The following LUZP2 variants were observed in gnomAD, a reference collection of about 807,000 sequenced individuals.
LUZP2 encodes leucine zipper protein 2.
LUZP2 carries 52 observed loss-of-function variants against 51.6 expected under a neutral mutation model. The observed-to-expected ratio is 1.01, with a 90% CI of 0.81 to 1.27. The LOEUF (loss-of-function observed/expected upper bound fraction) is 1.27. Ranked by LOEUF, LUZP2 falls within the 50% of genes most tolerant of loss-of-function variation. The pLI is 0.00. For missense variants in LUZP2, 436 were observed against 395.4 expected (o/e 1.10, Z -0.87); for synonymous variants, 154 against 137.3 (o/e 1.12, Z -0.85).
chr11:24,797,788 A>G (rs1849585627), intron 5 of LUZP2, among the ~76,000 whole-genome samples: 1 of 152,166 alleles, frequency 6.6e-6, no homozygotes, highest in Non-Finnish European at 1.5e-5. Flanking sequence ...TAGGAGTTCT[A>G]TTTATTGATA....
chr11:24,983,133 A>T lies in LUZP2; in HGVS notation c.605A>T (p.Gln202Leu). The T allele has an allele frequency of 6.2e-7, 1 of 1,610,890 alleles. No homozygotes were observed. The highest frequency in any genetic ancestry group is 8.5e-7 in the Non-Finnish European group (1 of 1,178,286). Residue 202 changes from glutamine (Q) to leucine (L), a missense_variant, in exon 9 of 12, where the codon CAG becomes CTG. Coordinates refer to ENST00000336930, the MANE Select transcript of LUZP2 (RefSeq NM_001009909.4). ...ATGCCTCTTTTTTTGTAGGAGTCAC[A>T]GATGAAAGCAATGAAAGAGACTGTG... Reference protein sequence around the residue: ...LEKAALDRESQMKAMKETVQL... With the variant: ...LEKAALDRESLMKAMKETVQL...
chr11:25,020,564 T>A (rs1590843795), intron 9 of LUZP2, among the ~76,000 whole-genome samples: 1 of 152,210 alleles, frequency 6.6e-6, no homozygotes, highest in Non-Finnish European at 1.5e-5. Flanking sequence ...CTGTTGTCAT[T>A]TTTGCAGAGT....
At chr11:24,966,207 G>T in intron 7 of LUZP2, among the ~76,000 whole-genome samples, 1 of 151,486 alleles carries the variant, frequency 6.6e-6, no homozygotes, top group African/African-American at 2.4e-5. Flanking sequence ...TTTAAAAAAT[G>T]TGGTTGTTTG....
chr11:24,923,818 T>G (rs1854146289), intron 7 of LUZP2, among the ~76,000 whole-genome samples: 1 of 152,102 alleles, frequency 6.6e-6, no homozygotes, highest in African/African-American at 2.4e-5. Flanking sequence ...ATAGCTTATT[T>G]TCACAGGTAA....
At chr11:24,797,362 A>G (rs1181277590) in intron 5 of LUZP2, among the ~76,000 whole-genome samples, 2 of 152,194 alleles carry the variant, frequency 1.3e-5, no homozygotes, top group African/African-American at 4.8e-5. Context: ...TGATGAAGGC[A>G]ATAACCTTTT....
rs546637775 is a variant in LUZP2 at position 24,867,900 on chromosome 11, A to G, written c.397-38091A>G. Among the ~76,000 whole-genome samples, 9 of 152,282 alleles carry G rather than the reference A, an allele frequency of 5.9e-5. No individual in the cohort carries two copies. The South Asian group carries it at 1.2e-3, about 21-fold the overall frequency. Reference sequence around the variant, plus strand: ...CTAATATTACAACTTATCAGTACTGATGTAAACATTTGGTTGAATATCAGT... The same window carrying G: ...CTAATATTACAACTTATCAGTACTGGTGTAAACATTTGGTTGAATATCAGT... On this transcript the variant is annotated intron_variant, in intron 5 of 11. Transcript: ENST00000336930.
intron 1 of LUZP2, among the ~76,000 whole-genome samples, chr11:24,602,259 CAT>C (rs563642354): frequency 5.5e-4 from 41 of 74,102 alleles, no homozygotes; most frequent in Middle Eastern, 8.5e-3. Flanking sequence ...TATATGCAAA[CAT>C]ATATGTACAT....
At chr11:25,048,769 A>C (rs1858397092) in intron 9 of LUZP2, among the ~76,000 whole-genome samples, 1 of 152,026 alleles carries the variant, frequency 6.6e-6, no homozygotes, top group Admixed American at 6.6e-5. Context: ...CACCCAGTGA[A>C]GTTAAATTTC....
intron 1 of LUZP2, among the ~76,000 whole-genome samples, chr11:24,503,048 C>G (rs1328094576): frequency 6.6e-6 from 1 of 151,848 alleles, no homozygotes; most frequent in Non-Finnish European, 1.5e-5. Flanking sequence ...CTACGGAGAA[C>G]AAATTAAGAA....
At chr11:24,973,809 A>G (rs183177505) in intron 7 of LUZP2, among the ~76,000 whole-genome samples, 292 of 152,028 alleles carry the variant, frequency 1.9e-3, no homozygotes, top group Non-Finnish European at 3.6e-3. Flanking sequence ...GTTTGTTATG[A>G]TTTTTAGTTA....
chr11:24,677,556 C>T (rs12577048), intron 1 of LUZP2, among the ~76,000 whole-genome samples: 23,718 of 152,148 alleles, frequency 0.16, 1,922 homozygotes, highest in East Asian at 0.24. Context: ...CTTTAAGATT[C>T]CTTATGTCAC....
At chr11:24,815,114 T>G (rs1336543523) in intron 5 of LUZP2, among the ~76,000 whole-genome samples, 3 of 152,208 alleles carry the variant, frequency 2.0e-5, no homozygotes, top group African/African-American at 7.2e-5. Context: ...GAATCTGTGT[T>G]GTTAAAATGT....
intron 5 of LUZP2, among the ~76,000 whole-genome samples, chr11:24,824,390 A>AAAAAAAAAAAAAAAAAAT (rs1304693659): frequency 6.8e-6 from 1 of 147,580 alleles, no homozygotes; most frequent in African/African-American, 2.5e-5. Flanking sequence ...AAAAAAAAAA[A>AAAAAAAAAAAAAAAAAAT]AAATGAGTGG....
intron 7 of LUZP2, among the ~76,000 whole-genome samples, chr11:24,972,518 CCA>C (rs1855771010): frequency 1.3e-5 from 2 of 152,170 alleles, no homozygotes; most frequent in African/African-American, 4.8e-5. Flanking sequence ...AATGTGAACT[CCA>C]GTGTTCATCT....
chr11:25,007,935 T>C (rs1856878693), intron 9 of LUZP2, among the ~76,000 whole-genome samples: 1 of 152,256 alleles, frequency 6.6e-6, no homozygotes, highest in Non-Finnish European at 1.5e-5. Context: ...TAATAATTGC[T>C]TGTGAACAGA....
rs80140944 is a variant in LUZP2 at position 24,642,257 on chromosome 11, A to G, written c.63-86912A>G. 1.5e-3 allele frequency among the ~76,000 whole-genome samples: 230 copies of G among 151,984 alleles called. 6 individuals are homozygous for G. In the East Asian group the frequency reaches 0.031, roughly 20 times the overall value. ...TCATCTTTAGCAGAGTTACACAACA[A>G]TTAGACTGTTTTGTCACATTCTGCA... is the stretch of plus-strand genomic sequence containing the variant. On this transcript the variant is annotated intron_variant, in intron 1 of 11. Transcript: ENST00000336930.
chr11:24,570,691 A>G (rs1385269850), intron 1 of LUZP2, among the ~76,000 whole-genome samples: 1 of 152,044 alleles, frequency 6.6e-6, no homozygotes, highest in Non-Finnish European at 1.5e-5. Flanking sequence ...CAGCATCCAC[A>G]TATTCTTATG....
intron 7 of LUZP2, among the ~76,000 whole-genome samples, chr11:24,922,702 A>G (rs1488019016): frequency 3.3e-5 from 5 of 152,128 alleles, no homozygotes; most frequent in Non-Finnish European, 5.9e-5. Flanking sequence ...TTTGTGCGTC[A>G]AAATAATTAT....
rs767603172 is a variant in LUZP2, at chr11:24,502,238, G to A, written c.62+4933G>A. Among the ~76,000 whole-genome samples, 4 of 140,434 alleles carry A rather than the reference G, an allele frequency of 2.8e-5. No homozygotes were observed. The South Asian group carries it at 8.4e-4, about 30-fold the overall frequency. The allele number at this position is 140,434 out of a possible 152,430, so 92.1% of individuals were successfully genotyped here. A position where few individuals can be genotyped will look rare whatever the true frequency, so the allele number is the denominator to read the frequency against. Reference sequence around the variant, plus strand: ...CATAGCAGAAAAAAGAAAAAATATAGATACAAATCAATTAGGTGACATGAA... The same window carrying A: ...CATAGCAGAAAAAAGAAAAAATATAAATACAAATCAATTAGGTGACATGAA... On this transcript the variant is annotated intron_variant, in intron 1 of 11. Coordinates refer to ENST00000336930, the MANE Select transcript of LUZP2 (RefSeq NM_001009909.4).
Sources: gnomAD v4.1 joint callset for allele counts (sites outside exome capture counted in the v4.1 genomes callset) on GRCh38, gnomAD v4.1.1 for gene constraint, MANE v1.5 for transcripts, NCBI Gene and HGNC (gene_info 2026-07-23, HGNC 2026-07-21) for gene names.